The following SFMBT2 variants were observed in gnomAD, a reference collection of about 807,000 sequenced individuals.
The protein encoded by SFMBT2 is scm-like with four MBT domains protein 2.
Under a neutral mutation model 110.1 loss-of-function variants are expected in SFMBT2, and 38 were observed. The ratio of observed to expected loss-of-function variants is 0.35; its 90% CI spans 0.27 to 0.45. SFMBT2 has a LOEUF of 0.45. SFMBT2 is among the 20% of genes least tolerant of loss of function. The pLI is 1.00. For synonymous variants in SFMBT2, 425 were observed against 425.4 expected (o/e 1.00, Z 0.01); for missense variants, 1,011 against 1,094.9 (o/e 0.92, Z 1.08).
rs898413126 is a variant in SFMBT2 at position 7,220,506 on chromosome 10, A to G, written c.1235T>C (p.Met412Thr). 7 of 1,614,032 alleles carry G rather than the reference A, an allele frequency of 4.3e-6. No homozygotes were observed. The highest frequency in any genetic ancestry group is 5.9e-6 in the Non-Finnish European group (7 of 1,180,016). Reference sequence around the variant, plus strand: ...CCTGGGGTTCACAGCTTCAAGTTTCATGTTCTTTGTGAAACCTCGACTGAA... The same window carrying G: ...CCTGGGGTTCACAGCTTCAAGTTTCGTGTTCTTTGTGAAACCTCGACTGAA... The part of the protein sequence containing the change: ...TSFSRGFTKN[M>T]KLEAVNPRNP... The change falls in exon 11 of 21, where the codon ATG (methionine) becomes ACG (threonine). Residue 412 changes from methionine to threonine, a missense_variant. Physicochemically the swap from Met to Thr is moderately conservative, Grantham distance 81 (BLOSUM62 -1). Transcript: ENST00000397167.
intron 9 of SFMBT2, among the ~76,000 whole-genome samples, chr10:7,231,796 C>T (rs1467228345): frequency 2.6e-5 from 4 of 152,228 alleles, no homozygotes; most frequent in Non-Finnish European, 4.4e-5. Flanking sequence ...CCTTTACTCA[C>T]TTCATCATTT....
chr10:7,334,649 G>A (rs1843662899), intron 4 of SFMBT2, among the ~76,000 whole-genome samples: 1 of 152,114 alleles, frequency 6.6e-6, no homozygotes, highest in African/African-American at 2.4e-5. Flanking sequence ...TATTCCATGA[G>A]AGGCAGGGTA....
chr10:7,313,275 T>C (rs1173685250), intron 4 of SFMBT2, among the ~76,000 whole-genome samples: 1 of 152,022 alleles, frequency 6.6e-6, no homozygotes, highest in Non-Finnish European at 1.5e-5. Flanking sequence ...AATTGCACTG[T>C]GTATGGTAAA....
At chr10:7,342,823 C>T (rs774320687) in intron 4 of SFMBT2, among the ~76,000 whole-genome samples, 2 of 152,186 alleles carry the variant, frequency 1.3e-5, no homozygotes, top group Non-Finnish European at 2.9e-5. Context: ...GGGAAATGAG[C>T]CAAAACATAA....
chr10:7,392,611 T>C (rs1011117820), intron 1 of SFMBT2, among the ~76,000 whole-genome samples: 3 of 152,226 alleles, frequency 2.0e-5, no homozygotes, highest in African/African-American at 7.2e-5. Context: ...CGTTGGTATC[T>C]GTGATGGATT....
intron 4 of SFMBT2, among the ~76,000 whole-genome samples, chr10:7,366,180 C>G (rs890869225): frequency 1.3e-5 from 2 of 152,020 alleles, no homozygotes; most frequent in Non-Finnish European, 2.9e-5. Context: ...TAGGAAAGAG[C>G]GGGTGCAAAG....
chr10:7,381,364 C>T (rs548623108), intron 2 of SFMBT2, among the ~76,000 whole-genome samples: 4 of 152,310 alleles, frequency 2.6e-5, no homozygotes, highest in Admixed American at 1.3e-4. Context: ...ACCTCCCTTG[C>T]TGTGGCAGAA....
At chr10:7,271,900 A>G (rs915897236) in intron 7 of SFMBT2, among the ~76,000 whole-genome samples, 5 of 151,812 alleles carry the variant, frequency 3.3e-5, no homozygotes, top group Admixed American at 2.0e-4. Context: ...GGAAAGACCC[A>G]CCCCCATGAT....
intron 4 of SFMBT2, among the ~76,000 whole-genome samples, chr10:7,363,861 G>A (rs1844806575): frequency 6.6e-6 from 1 of 152,062 alleles, no homozygotes; most frequent in Non-Finnish European, 1.5e-5. Context: ...GAATCAGTAA[G>A]AAAATCTCCG....
chr10:7,345,318 G>A (rs1361434796), intron 4 of SFMBT2, among the ~76,000 whole-genome samples: 7 of 152,110 alleles, frequency 4.6e-5, no homozygotes, highest in Non-Finnish European at 1.5e-5. Context: ...ACAGAAATAA[G>A]AAAATTACAG....
chr10:7,171,013 T>A lies in SFMBT2; in HGVS notation c.2459A>T (p.Asn820Ile). 6.2e-7 allele frequency: 1 copy of A among 1,614,160 alleles called. No individual in the cohort carries two copies. Residue 820 changes from asparagine (N) to isoleucine (I), a missense_variant, in exon 20 of 21, where the codon AAC (asparagine) becomes ATC (isoleucine). Asn to Ile is a moderately radical substitution (Grantham distance 149). This residue lies in a region of SFMBT2 where 979 missense variants were observed against 1,016.1 expected (regional missense o/e 0.96). Coordinates refer to ENST00000397167, the MANE Select transcript of SFMBT2 (RefSeq NM_001387889.1). The surrounding 1 kb of genome is among the most constrained non-coding windows in gnomAD (Gnocchi z 4.9). ...GTCGGTGACCGTCCACTCCAACGGG[T>A]TGCTCTCCAGAACCAGTCTCTCCTC... ...EEEERLVLES[N>I]PLEWTVTDVV...
In SFMBT2 at chr10:7,188,575, T is replaced by C. The variant is rs371222602; in HGVS notation, c.1808+49A>G. 15 of 1,425,142 alleles carry C rather than the reference T, an allele frequency of 1.1e-5. No homozygotes were observed. The African/African-American group carries it at 1.4e-4, about 13-fold the overall frequency. 88.3% of individuals were successfully genotyped at this position (1,425,142 alleles called of 1,614,324 possible). ...AGAAGTGGCAAGGTTCAAAGTAGCA[T>C]GGGGAAGTATTACAAAAACCCTTGC... is the stretch of plus-strand genomic sequence containing the variant. On this transcript the variant is annotated intron_variant, in intron 16 of 20. Transcript: ENST00000397167.
At chr10:7,263,659 T>C (rs188026931) in intron 7 of SFMBT2, among the ~76,000 whole-genome samples, 7 of 152,212 alleles carry the variant, frequency 4.6e-5, no homozygotes, top group Admixed American at 2.0e-4. Context: ...TCTGTCTCTA[T>C]ATATGGGCTT....
rs906715738 is a variant in SFMBT2 at position 7,162,113 on chromosome 10, G to A, written c.*1657C>T. On this transcript the variant is annotated 3_prime_UTR_variant, in exon 21 of 21. Transcript: ENST00000397167. ...CATGAGGATATGGAGATGGCTTCTG[G>A]TCCAAGAGGCCAGCCAACTCTCGCA... The A allele has an allele frequency of 4.6e-5, 7 of 152,150 alleles. No homozygotes were observed. The highest frequency in any genetic ancestry group is 1.4e-4 in the African/African-American group (6 of 41,394). 9.4% of individuals were successfully genotyped at this position (152,150 alleles called of 1,614,324 possible). A position where few individuals can be genotyped will look rare whatever the true frequency, so the allele number is the denominator to read the frequency against.
rs564630496 is a variant in SFMBT2, at chr10:7,398,754, A to C, written c.-52+12107T>G. ...AATATTAAAAGGAATAAATTAGAGC[A>C]TCCCCCCAGGTTTGTAAAAAGAGCT... On this transcript the variant is annotated intron_variant, in intron 1 of 20. Transcript: ENST00000397167. 9.8e-5 allele frequency among the ~76,000 whole-genome samples: 15 copies of C among 152,334 alleles called. No individual in the cohort carries two copies. The South Asian group carries it at 2.5e-3, about 25-fold the overall frequency.
intron 16 of SFMBT2, among the ~76,000 whole-genome samples, chr10:7,177,442 C>T (rs1408331369): frequency 6.6e-6 from 1 of 152,148 alleles, no homozygotes; most frequent in Non-Finnish European, 1.5e-5. Flanking sequence ...CATGTCCCTC[C>T]TAAATTCATA....
chr10:7,238,479 CTGAAACG>C (rs1186596802), intron 9 of SFMBT2, among the ~76,000 whole-genome samples: 1 of 152,162 alleles, frequency 6.6e-6, no homozygotes, highest in African/African-American at 2.4e-5. Context: ...TTTGGTATGT[CTGAAACG>C]TGAGTGACAA....
intron 14 of SFMBT2, among the ~76,000 whole-genome samples, chr10:7,199,501 G>A (rs1838884538): frequency 1.3e-5 from 2 of 152,140 alleles, no homozygotes; most frequent in Admixed American, 6.5e-5. Context: ...AAGCAGAAAT[G>A]TTATTCTTCT....
At chr10:7,359,128 C>T (rs1411249122) in intron 4 of SFMBT2, among the ~76,000 whole-genome samples, 4 of 152,218 alleles carry the variant, frequency 2.6e-5, no homozygotes, top group Non-Finnish European at 5.9e-5. Flanking sequence ...CTGGAGCAGC[C>T]AGACATCCTG....
Sources: gnomAD v4.1 joint callset for allele counts (sites outside exome capture counted in the v4.1 genomes callset) on GRCh38, gnomAD v4.1.1 for gene constraint, gnomAD v4.1.1 regional missense constraint, Gnocchi (gnomAD v3.1) non-coding constraint, MANE v1.5 for transcripts, NCBI Gene and HGNC (gene_info 2026-07-23, HGNC 2026-07-21) for gene names.